Variants in SOX6 observed in about 807,000 individuals in gnomAD.
SOX6 encodes transcription factor SOX-6.
In SOX6, 11 loss-of-function variants were observed where a neutral mutation model predicts 97.8. That is an observed-to-expected ratio of 0.11 (90% confidence interval 0.07 to 0.19). The LOEUF (loss-of-function observed/expected upper bound fraction) is 0.19, where lower values mean the gene tolerates loss of function less well. Among genes scored for constraint, SOX6 ranks in the 10% least tolerant of loss-of-function variants. The pLI is 1.00. For missense variants in SOX6, 810 were observed against 1,039.5 expected, an observed-to-expected ratio of 0.78 and a Z score of 3.04; for synonymous variants, 360 against 371.4, an observed-to-expected ratio of 0.97 and a Z score of 0.35.
At chr11:15,985,061 A>G (rs1283054129) in intron 15 of SOX6, among the ~76,000 whole-genome samples, 2 of 152,162 alleles carry the variant, frequency 1.3e-5, no homozygotes, top group Admixed American at 1.3e-4. Flanking sequence ...TCAAACTCCA[A>G]AGCCCACGCT....
chr11:16,031,165 C>T (rs1475009589), intron 12 of SOX6, among the ~76,000 whole-genome samples: 2 of 152,180 alleles, frequency 1.3e-5, no homozygotes, highest in African/African-American at 4.8e-5. Context: ...GCCTAGAAGA[C>T]AGATCTCCAG....
intron 2 of SOX6, among the ~76,000 whole-genome samples, chr11:16,328,831 G>A (rs964457297): frequency 2.0e-5 from 3 of 152,008 alleles, no homozygotes; most frequent in Non-Finnish European, 2.9e-5. Context: ...AAACATTTAC[G>A]GTTCTTTCTC....
intron 6 of SOX6, among the ~76,000 whole-genome samples, chr11:16,183,624 C>T (rs1851397931): frequency 1.3e-5 from 2 of 151,846 alleles, no homozygotes; most frequent in African/African-American, 4.8e-5. Context: ...CCATTAGGTT[C>T]CCAGTAAGTA....
intron 1 of SOX6, among the ~76,000 whole-genome samples, chr11:16,448,480 A>G (rs1859654525): frequency 6.6e-6 from 1 of 152,144 alleles, no homozygotes; most frequent in Non-Finnish European, 1.5e-5. Flanking sequence ...GCAATTTTCC[A>G]GATTTCAAGT....
chr11:16,012,504 T>C (rs1854761885), intron 13 of SOX6, among the ~76,000 whole-genome samples: 1 of 152,010 alleles, frequency 6.6e-6, no homozygotes, highest in Non-Finnish European at 1.5e-5. Flanking sequence ...CCTGGGCCAC[T>C]ACAGCCCTTC....
intron 2 of SOX6, among the ~76,000 whole-genome samples, chr11:16,725,177 C>T (rs1455772968): frequency 1.3e-5 from 2 of 152,130 alleles, no homozygotes; most frequent in African/African-American, 4.8e-5. Context: ...TCTTATTCAG[C>T]CATAAAAAGG....
chr11:16,355,906 AT>A (rs1350783771), intron 1 of SOX6, among the ~76,000 whole-genome samples, 187 bp downstream of exon 1: 1 of 152,094 alleles, frequency 6.6e-6, no homozygotes, highest in Non-Finnish European at 1.5e-5. Flanking sequence ...GTCTGTTGCA[AT>A]TCCCTAGCAA....
chr11:16,390,726 G>A (rs942280034), intron 1 of SOX6, among the ~76,000 whole-genome samples: 7 of 152,134 alleles, frequency 4.6e-5, no homozygotes, highest in East Asian at 3.9e-4. Flanking sequence ...AAATAGGAAC[G>A]CTTTTACACT....
intron 6 of SOX6, among the ~76,000 whole-genome samples, chr11:16,132,332 AAAGAAAAAAGAAAGAAAG>A (rs1849780320): frequency 9.5e-6 from 1 of 105,074 alleles, no homozygotes; most frequent in Non-Finnish European, 2.0e-5. Context: ...GGAAGGAAGG[AAAGAAAAAAGAAAGAAAG>A]AAAGAAAGAA....
At chr11:16,389,969 TAAAAAAAAAAAA>T (rs536056301) in intron 1 of SOX6, among the ~76,000 whole-genome samples, 8 of 41,856 alleles carry the variant, frequency 1.9e-4, no homozygotes, top group East Asian at 1.2e-3. Context: ...GACTCCGTCT[TAAAAAAAAAAAA>T]AAAAAAAAAA....
chr11:16,525,416 A>G (rs905769878), intron 4 of SOX6, among the ~76,000 whole-genome samples: 2 of 151,944 alleles, frequency 1.3e-5, no homozygotes, highest in African/African-American at 4.8e-5. Context: ...TGCTGGGAAA[A>G]CTGGCTAGCC....
chr11:16,227,681 T>C (rs1779351359), intron 4 of SOX6, among the ~76,000 whole-genome samples: 1 of 152,194 alleles, frequency 6.6e-6, no homozygotes, highest in Non-Finnish European at 1.5e-5. Context: ...TATAAGTTCT[T>C]AATTTCCATT....
intron 3 of SOX6, chr11:16,314,298 C>T (rs1482047795): frequency 2.0e-5 from 3 of 152,128 alleles, no homozygotes; most frequent in African/African-American, 7.2e-5. Context: ...TGTTTCTCCT[C>T]TCAATTTCTG....
At chr11:16,366,768 G>GTTGT (rs1857370251) in intron 1 of SOX6, among the ~76,000 whole-genome samples, 1 of 151,914 alleles carries the variant, frequency 6.6e-6, no homozygotes, top group Non-Finnish European at 1.5e-5. Context: ...TTTCTATCTG[G>GTTGT]TCCCTTCACT....
intron 4 of SOX6, among the ~76,000 whole-genome samples, chr11:16,482,353 G>A (rs1005901891): frequency 1.3e-5 from 2 of 152,212 alleles, no homozygotes; most frequent in Admixed American, 1.3e-4. Flanking sequence ...GTTCATTTAA[G>A]AAACATTGGC....
intron 4 of SOX6, among the ~76,000 whole-genome samples, chr11:16,207,180 A>C (rs1852094424): frequency 6.6e-6 from 1 of 152,122 alleles, no homozygotes; most frequent in Non-Finnish European, 1.5e-5. Context: ...CATCTTTCCA[A>C]CTGTTAGTAC....
intron 3 of SOX6, among the ~76,000 whole-genome samples, chr11:16,667,452 T>C (rs1375022048): frequency 1.3e-5 from 2 of 150,656 alleles, no homozygotes; most frequent in Non-Finnish European, 2.9e-5. Flanking sequence ...ACAAGTAATA[T>C]ACAAAGGAGC....
chr11:16,655,120 G>T (rs886399610), intron 3 of SOX6, among the ~76,000 whole-genome samples: 1 of 152,182 alleles, frequency 6.6e-6, no homozygotes, highest in African/African-American at 2.4e-5. Context: ...ACCTCATGGG[G>T]ACTTGTCTAT....
At chr11:16,433,970 C>A (rs1372929326) in intron 1 of SOX6, among the ~76,000 whole-genome samples, 11 of 152,034 alleles carry the variant, frequency 7.2e-5, no homozygotes, top group Admixed American at 6.6e-4. Flanking sequence ...AGGATTTTAA[C>A]CATATGTACC....
Sources: gnomAD v4.1 joint callset for allele counts (sites outside exome capture counted in the v4.1 genomes callset) on GRCh38, gnomAD v4.1.1 for gene constraint, MANE v1.5 for transcripts, NCBI Gene and HGNC (gene_info 2026-07-23, HGNC 2026-07-21) for gene names.